Variants in NAV2 observed in about 807,000 individuals in gnomAD.
The protein encoded by NAV2 is neuron navigator 2, also known as helicase, APC down-regulated 1.
A neutral mutation model predicts 223.2 loss-of-function variants in NAV2; 54 were observed. That is an observed-to-expected ratio of 0.24 (90% CI 0.19 to 0.30). The LOEUF is 0.30. NAV2 is among the 10% of genes least tolerant of loss of function. The pLI is 1.00. For synonymous variants in NAV2, 1,279 were observed against 1,239.3 expected, an observed-to-expected ratio of 1.03 and a Z score of -0.67; for missense variants, 2,806 against 3,147.5, an observed-to-expected ratio of 0.89 and a Z score of 2.60.
At chr11:19,695,887 T>TAATAAAATAA (rs10522565) in intron 1 of NAV2, among the ~76,000 whole-genome samples, 14,531 of 52,730 alleles carry the variant, frequency 0.28, 932 homozygotes, top group Non-Finnish European at 0.44. Flanking sequence ...CTGGATGAAA[T>TAATAAAATAA]AATAAAATAA....
At chr11:19,688,651 C>G (rs1234027919) in intron 1 of NAV2, among the ~76,000 whole-genome samples, 1 of 152,180 alleles carries the variant, frequency 6.6e-6, no homozygotes, top group Non-Finnish European at 1.5e-5. Context: ...GCTCTGTGCA[C>G]CAGTCACTCA....
chr11:19,475,767 G>GA (rs1324540079), intron 1 of NAV2, among the ~76,000 whole-genome samples: 1 of 152,114 alleles, frequency 6.6e-6, no homozygotes, highest in East Asian at 1.9e-4. Flanking sequence ...AAGTCAGCCT[G>GA]AAAAAAATAG....
upstream of NAV2, among the ~76,000 whole-genome samples, chr11:19,349,304 C>T (rs1423537021): frequency 6.6e-6 from 1 of 152,220 alleles, no homozygotes; most frequent in Non-Finnish European, 1.5e-5. Context: ...CTGCTTCTCT[C>T]CCAAGCATCT....
chr11:19,731,489 A>G (rs1212750161), intron 1 of NAV2, among the ~76,000 whole-genome samples: 1 of 152,224 alleles, frequency 6.6e-6, no homozygotes, highest in African/African-American at 2.4e-5. Flanking sequence ...TAGGGGAGAG[A>G]GGCATTTGAA....
intron 6 of NAV2, among the ~76,000 whole-genome samples, chr11:19,897,241 G>A (rs551357768): frequency 6.6e-6 from 1 of 152,218 alleles, no homozygotes; most frequent in African/African-American, 2.4e-5. Flanking sequence ...TGTGGGGTGG[G>A]GGGAGGAGGA....
chr11:19,720,638 C>A (rs2050677873), intron 1 of NAV2, among the ~76,000 whole-genome samples: 1 of 152,210 alleles, frequency 6.6e-6, no homozygotes, highest in Non-Finnish European at 1.5e-5. Flanking sequence ...CTACTCATGG[C>A]AATGTGGCAC....
intron 1 of NAV2, among the ~76,000 whole-genome samples, chr11:19,802,355 G>A (rs2058319857): frequency 6.6e-6 from 1 of 152,072 alleles, no homozygotes; most frequent in Non-Finnish European, 1.5e-5. Flanking sequence ...TCTGATTCTG[G>A]GTTCCAGGAG....
chr11:19,753,853 C>T (rs2152509548), intron 1 of NAV2, among the ~76,000 whole-genome samples: 1 of 152,312 alleles, frequency 6.6e-6, no homozygotes, highest in African/African-American at 2.4e-5. Flanking sequence ...TCACCTGTCC[C>T]AGCTTTGAGG....
In NAV2 at chr11:20,045,177, G is replaced by A; in HGVS notation, c.3409G>A (p.Ala1137Thr). The A allele has an allele frequency of 3.1e-6, 5 of 1,614,178 alleles. No individual in the cohort carries two copies. Among genetic ancestry groups the A allele is most frequent in the South Asian group, 1.1e-5 (1 of 91,080 alleles). ...GSAAGLAMIT[A>T]SGVTVTSRSA... is the part of the protein sequence containing the mutation. ...CGCCGCCGGCCTGGCCATGATCACA[G>A]CCAGCGGGGTGACTGTCACCAGCAG... The change falls in exon 14 of 38, where the codon GCC becomes ACC. Residue 1137 changes from alanine (A) to threonine (T), a missense_variant. Physicochemically the swap from Ala to Thr is moderately conservative, Grantham distance 58. This residue lies in a region of NAV2 where 742 missense variants were observed against 777.9 expected (regional missense o/e 0.95). Coordinates refer to ENST00000349880, the MANE Select transcript of NAV2 (RefSeq NM_145117.5).
At chr11:19,574,589 CT>C (rs2045518318) in intron 1 of NAV2, among the ~76,000 whole-genome samples, 1 of 152,192 alleles carries the variant, frequency 6.6e-6, no homozygotes, top group African/African-American at 2.4e-5. Context: ...GAAACCCCCT[CT>C]TTTTCCTTCT....
chr11:19,820,991 A>C (rs181439558), intron 1 of NAV2, among the ~76,000 whole-genome samples: 1 of 152,208 alleles, frequency 6.6e-6, no homozygotes, highest in Non-Finnish European at 1.5e-5. Flanking sequence ...GGCCGGGCGC[A>C]GTGGCTCACG....
chr11:20,049,948 T>C (rs1200480024), intron 16 of NAV2, 47 bp downstream of exon 16: 1 of 1,577,478 alleles, frequency 6.3e-7, no homozygotes, highest in Admixed American at 1.7e-5. Context: ...TAGGTTCTTC[T>C]GCCCATTCGT....
chr11:19,958,245 CA>C (rs1246720710), intron 10 of NAV2, among the ~76,000 whole-genome samples: 1 of 152,158 alleles, frequency 6.6e-6, no homozygotes, highest in African/African-American at 2.4e-5. Context: ...AGGCTCCAGG[CA>C]AAAGGCAGTA....
chr11:19,494,809 G>C (rs1203615642), intron 1 of NAV2, among the ~76,000 whole-genome samples: 2 of 152,208 alleles, frequency 1.3e-5, no homozygotes, highest in East Asian at 1.9e-4. Flanking sequence ...TGTAGAATGA[G>C]AGCCTGCATG....
At chr11:19,521,858 G>A (rs56179522) in intron 1 of NAV2, among the ~76,000 whole-genome samples, 2,689 of 152,152 alleles carry the variant, frequency 0.018, 83 homozygotes, top group African/African-American at 0.062. Context: ...TTTCTCTTTG[G>A]CCACTATCAT....
chr11:19,441,166 A>G (rs1269002065), intron 1 of NAV2, among the ~76,000 whole-genome samples: 3 of 152,076 alleles, frequency 2.0e-5, no homozygotes, highest in African/African-American at 7.2e-5. Context: ...CCGGGGGAGG[A>G]ATACGATGCA....
At chr11:19,841,861 C>A (rs76423902) in intron 2 of NAV2, among the ~76,000 whole-genome samples, 3 of 152,162 alleles carry the variant, frequency 2.0e-5, no homozygotes, top group African/African-American at 7.2e-5. Context: ...ATACTTACTA[C>A]GTGTTGGGCA....
chr11:20,094,075 C>A (rs189464346), intron 29 of NAV2, among the ~76,000 whole-genome samples: 6 of 152,236 alleles, frequency 3.9e-5, no homozygotes, highest in Admixed American at 2.0e-4. Flanking sequence ...GGCTTGCTAG[C>A]CTCACTATAG....
chr11:19,861,033 A>G (rs1304593973), intron 3 of NAV2, among the ~76,000 whole-genome samples: 1 of 77,530 alleles, frequency 1.3e-5, no homozygotes, highest in Non-Finnish European at 2.5e-5. Flanking sequence ...AAGAGGGCAG[A>G]GGGAGAGGGA....
Sources: allele counts gnomAD v4.1 joint callset (sites outside exome capture counted in the v4.1 genomes callset), GRCh38; gene constraint gnomAD v4.1.1; regional missense constraint gnomAD v4.1.1; transcripts MANE v1.5; gene names NCBI Gene and HGNC (gene_info 2026-07-23, HGNC 2026-07-21).